NDUFAF6: variants seen among roughly 807,000 people sequenced by gnomAD.
NDUFAF6 encodes NADH:ubiquinone oxidoreductase complex assembly factor 6.
A neutral mutation model predicts 40.8 loss-of-function variants in NDUFAF6; 45 were observed. The observed-to-expected ratio is 1.10, with a 90% CI of 0.87 to 1.42. The LOEUF is 1.42. Ranked by LOEUF, NDUFAF6 falls within the 40% of genes most tolerant of loss-of-function variation. NDUFAF6 has a pLI of 0.00. For missense variants in NDUFAF6, 435 were observed against 418.5 expected, an observed-to-expected ratio of 1.04 and a Z score of -0.34; for synonymous variants, 185 against 155.9, an observed-to-expected ratio of 1.19 and a Z score of -1.39.
intron 1 of NDUFAF6, among the ~76,000 whole-genome samples, chr8:94,906,555 C>A (rs554201424): frequency 2.0e-5 from 3 of 152,308 alleles, no homozygotes; most frequent in Non-Finnish European, 4.4e-5. Context: ...CAAAGTCCTT[C>A]CCTCCACGTG....
intron 2 of NDUFAF6, among the ~76,000 whole-genome samples, chr8:94,997,826 T>G (rs1283926354): frequency 6.6e-6 from 1 of 152,242 alleles, no homozygotes; most frequent in Non-Finnish European, 1.5e-5. Context: ...AAGAAGAACG[T>G]TGTTCTCTAA....
At chr8:94,987,441 C>T (rs1314138113) in intron 2 of NDUFAF6, among the ~76,000 whole-genome samples, 1 of 152,228 alleles carries the variant, frequency 6.6e-6, no homozygotes, top group Non-Finnish European at 1.5e-5. Flanking sequence ...CCTTGGGGCT[C>T]CTTCCCCCAA....
chr8:95,003,056 G>A (rs1336353428), intron 2 of NDUFAF6, among the ~76,000 whole-genome samples: 1 of 152,220 alleles, frequency 6.6e-6, no homozygotes, highest in Non-Finnish European at 1.5e-5. Context: ...ACCCTGAGAA[G>A]AGATGCTTGT....
At chr8:95,037,977 G>C (rs1049082171) in intron 3 of NDUFAF6, among the ~76,000 whole-genome samples, 1 of 152,108 alleles carries the variant, frequency 6.6e-6, no homozygotes, top group Non-Finnish European at 1.5e-5. Flanking sequence ...TCAACCTCCT[G>C]GGCTCAGGCG....
chr8:95,101,653 A>T (rs11988302), intron 2 of NDUFAF6, among the ~76,000 whole-genome samples: 2 of 152,246 alleles, frequency 1.3e-5, no homozygotes, highest in African/African-American at 4.8e-5. Flanking sequence ...TGATGGACAC[A>T]TGCATAGTTT....
intron 2 of NDUFAF6, chr8:94,950,767 C>T (rs1239289423): frequency 6.6e-6 from 1 of 152,106 alleles, no homozygotes; most frequent in Non-Finnish European, 1.5e-5. Flanking sequence ...TTGTTTCTCC[C>T]TAGGAATCCA....
At chr8:94,932,659 T>C (rs970347405) in intron 1 of NDUFAF6, among the ~76,000 whole-genome samples, 3 of 151,784 alleles carry the variant, frequency 2.0e-5, no homozygotes, top group Non-Finnish European at 2.9e-5. Context: ...AAAAATTAGC[T>C]GGGTGCGGTG....
At chr8:95,010,493 A>G (rs1035360597) in intron 2 of NDUFAF6, among the ~76,000 whole-genome samples, 3 of 152,208 alleles carry the variant, frequency 2.0e-5, no homozygotes, top group Non-Finnish European at 4.4e-5. Flanking sequence ...ATTGGAATCT[A>G]TTGTTCACAA....
intron 2 of NDUFAF6, among the ~76,000 whole-genome samples, chr8:95,004,894 T>C (rs1826893285): frequency 6.6e-6 from 1 of 152,214 alleles, no homozygotes; most frequent in Non-Finnish European, 1.5e-5. Context: ...TAGCTAGTTC[T>C]TGGTACTCAA....
intron 2 of NDUFAF6, among the ~76,000 whole-genome samples, chr8:94,948,797 G>T (rs559512134): frequency 2.0e-5 from 3 of 152,086 alleles, no homozygotes; most frequent in Admixed American, 2.0e-4. Context: ...AGAGGAGGAG[G>T]TCCCGCCGCG....
chr8:94,930,417 A>G (rs553286088), intron 1 of NDUFAF6: 67 of 1,597,108 alleles, frequency 4.2e-5, no homozygotes, highest in Non-Finnish European at 5.6e-5. Flanking sequence ...CACTGTACAT[A>G]TACACACATC....
chr8:94,965,189 A>C (rs890472485), intron 1 of NDUFAF6, among the ~76,000 whole-genome samples: 2 of 152,236 alleles, frequency 1.3e-5, no homozygotes, highest in East Asian at 3.8e-4. Flanking sequence ...TGCAGGGAGA[A>C]AAACAAATTA....
intron 1 of NDUFAF6, among the ~76,000 whole-genome samples, chr8:94,906,244 G>C (rs1418448346): frequency 1.3e-5 from 2 of 152,052 alleles, no homozygotes; most frequent in Admixed American, 1.3e-4. Context: ...GTGCTCTTAG[G>C]TATGACCACT....
intron 1 of NDUFAF6, chr8:94,940,199 G>T (rs775938182): frequency 1.6e-5 from 25 of 1,611,654 alleles, no homozygotes; most frequent in Non-Finnish European, 2.0e-5. Flanking sequence ...TTCTTCTTCT[G>T]CTGAGAAACC....
intron 1 of NDUFAF6, among the ~76,000 whole-genome samples, chr8:94,966,212 C>T (rs192226349): frequency 1.3e-5 from 2 of 152,056 alleles, no homozygotes; most frequent in African/African-American, 2.4e-5. Context: ...GGAGAGCATG[C>T]GGGGGAAAGA....
At chr8:94,919,454 A>G (rs1425886206) in intron 1 of NDUFAF6, among the ~76,000 whole-genome samples, 1 of 152,114 alleles carries the variant, frequency 6.6e-6, no homozygotes, top group Non-Finnish European at 1.5e-5. Context: ...AGGCTCAGAG[A>G]GACTCCTAGT....
intron 1 of NDUFAF6, among the ~76,000 whole-genome samples, chr8:94,968,321 T>A (rs1824185425): frequency 6.6e-6 from 1 of 152,186 alleles, no homozygotes; most frequent in South Asian, 2.1e-4. Flanking sequence ...TACCACAATA[T>A]TCTAGTCAGT....
upstream of NDUFAF6, among the ~76,000 whole-genome samples, chr8:94,957,381 T>A (rs375509249): frequency 6.6e-6 from 1 of 152,096 alleles, no homozygotes; most frequent in Non-Finnish European, 1.5e-5. Flanking sequence ...GGAGAGATTA[T>A]GGACAGAGGA....
intron 1 of NDUFAF6, among the ~76,000 whole-genome samples, chr8:94,918,499 C>T (rs1322432320): frequency 6.6e-6 from 1 of 152,128 alleles, no homozygotes; most frequent in Non-Finnish European, 1.5e-5. Context: ...TCTCTAGAGG[C>T]TATTGTTACC....
Sources: allele counts gnomAD v4.1 joint callset (sites outside exome capture counted in the v4.1 genomes callset), GRCh38; gene constraint gnomAD v4.1.1; transcripts MANE v1.5; gene names NCBI Gene and HGNC (gene_info 2026-07-23, HGNC 2026-07-21).